The following NUF2 variants were observed in gnomAD, a reference collection of about 807,000 sequenced individuals.
NUF2 encodes NUF2 component of NDC80 kinetochore complex.
In NUF2, 34 loss-of-function variants were observed where a neutral mutation model predicts 61.8. The ratio of observed to expected loss-of-function variants is 0.55; its 90% CI spans 0.42 to 0.73. The LOEUF is 0.73. Ranked by LOEUF, NUF2 falls within the 30% of genes least tolerant of loss-of-function variation. The probability of loss-of-function intolerance (pLI) is 0.00; values close to 1 mark genes in which losing one functional copy is unlikely to be tolerated. For synonymous variants in NUF2, 172 were observed against 181.6 expected (o/e 0.95, Z 0.42); for missense variants, 445 against 539.1 (o/e 0.83, Z 1.73).
At chr1:163,352,000 A>G (rs575158809) in intron 13 of NUF2, among the ~76,000 whole-genome samples, 2 of 152,324 alleles carry the variant, frequency 1.3e-5, no homozygotes, top group East Asian at 3.9e-4. Context: ...TTTTAAAATT[A>G]CATTCAACAT....
At chr1:163,354,003 T>G (rs1336172978) in intron 13 of NUF2, among the ~76,000 whole-genome samples, 1 of 152,214 alleles carries the variant, frequency 6.6e-6, no homozygotes, top group Non-Finnish European at 1.5e-5. Context: ...AAGGAATATC[T>G]TCCTACCAAA....
At chr1:163,345,458 T>G (rs1651091896) in intron 10 of NUF2, among the ~76,000 whole-genome samples, 1 of 152,168 alleles carries the variant, frequency 6.6e-6, no homozygotes, top group Non-Finnish European at 1.5e-5. Flanking sequence ...TATGGCACTT[T>G]TCCTTTGTTT....
chr1:163,344,580 A>G (rs1651057479), intron 10 of NUF2, among the ~76,000 whole-genome samples: 1 of 138,162 alleles, frequency 7.2e-6, no homozygotes, highest in Non-Finnish European at 1.6e-5. Context: ...AGTGGGGAGT[A>G]AGGTGTGTTC....
Position 163,326,007 on chromosome 1 carries a change from T to C in NUF2, c.-20-25T>C, listed in dbSNP as rs185377135. 225 of 1,588,862 alleles carry C rather than the reference T, an allele frequency of 1.4e-4. 1 individual carries two copies. In the African/African-American group the frequency reaches 2.7e-3, roughly 19 times the overall value. Reference sequence around the variant, plus strand: ...ATGAGAACTACTGATCATGTGGTATTTCTCATTGTTTTTTCTTCCTTCAGA... The same window carrying C: ...ATGAGAACTACTGATCATGTGGTATCTCTCATTGTTTTTTCTTCCTTCAGA... On this transcript the variant is annotated intron_variant, in intron 1 of 13. Coordinates refer to ENST00000271452, the MANE Select transcript of NUF2 (RefSeq NM_145697.3).
chr1:163,353,029 G>C (rs574113481), intron 13 of NUF2, among the ~76,000 whole-genome samples: 4 of 152,232 alleles, frequency 2.6e-5, no homozygotes, highest in African/African-American at 9.6e-5. Flanking sequence ...CTGGATGTGT[G>C]CTGTCCAGTG....
intron 5 of NUF2, among the ~76,000 whole-genome samples, chr1:163,332,675 C>T (rs898620942): frequency 1.4e-4 from 21 of 152,244 alleles, no homozygotes; most frequent in African/African-American, 4.8e-4. Context: ...TCTGTTTCTA[C>T]TTTCATGATC....
chr1:163,341,698 G>A (rs530336519), intron 9 of NUF2, among the ~76,000 whole-genome samples: 1 of 152,094 alleles, frequency 6.6e-6, no homozygotes, highest in East Asian at 1.9e-4. Flanking sequence ...CATGATGTCA[G>A]CTCACTGCAA....
rs143441657 is a variant in NUF2, at chr1:163,351,433, C to G, written c.1260+2353C>G. On this transcript the variant is annotated intron_variant, in intron 13 of 13. Coordinates refer to ENST00000271452, the MANE Select transcript of NUF2 (RefSeq NM_145697.3). ...CTTTTTTAGGTTTTATTTATTTCAACCTAGATTTCAAAATGTCAAGGTTAG... is the reference window on the plus strand; with the variant it reads ...CTTTTTTAGGTTTTATTTATTTCAAGCTAGATTTCAAAATGTCAAGGTTAG... Among the ~76,000 whole-genome samples the G allele has an allele frequency of 1.5e-3, 234 of 152,294 alleles. 2 individuals are homozygous for G. Among genetic ancestry groups the G allele is most frequent in the African/African-American group, 5.3e-3 (221 of 41,566 alleles).
chr1:163,326,304 A>T, intron 2 of NUF2, 130 bp downstream of exon 2: 40 of 716,014 alleles, frequency 5.6e-5, no homozygotes, highest in Non-Finnish European at 8.3e-5. Flanking sequence ...ATTGAGAGAG[A>T]ATCTCTCACC....
chr1:163,338,672 A>AT (rs1296373528), intron 7 of NUF2, among the ~76,000 whole-genome samples: 6 of 152,224 alleles, frequency 3.9e-5, no homozygotes, highest in Non-Finnish European at 8.8e-5. Flanking sequence ...AATTGCCTTT[A>AT]CAGGCAGACA....
chr1:163,343,014 AT>A (rs1650997043), intron 9 of NUF2, among the ~76,000 whole-genome samples: 1 of 152,208 alleles, frequency 6.6e-6, no homozygotes, highest in South Asian at 2.1e-4. Context: ...TGAGAAGAAA[AT>A]TCATAGGAAT....
chr1:163,353,950 G>A (rs1197886045), intron 13 of NUF2, among the ~76,000 whole-genome samples: 2 of 152,074 alleles, frequency 1.3e-5, no homozygotes, highest in African/African-American at 4.8e-5. Flanking sequence ...CATACAGATT[G>A]TATATCTTAA....
At chr1:163,351,684 C>T (rs11803783) in intron 13 of NUF2, among the ~76,000 whole-genome samples, 25,943 of 152,074 alleles carry the variant, frequency 0.17, 2,304 homozygotes, top group Non-Finnish European at 0.19. Context: ...ATTCAGGCTA[C>T]GTTGTGATAT....
chr1:163,349,077 C>T lies in NUF2; in HGVS notation c.1257C>T (p.Ser419=). 6.2e-7 allele frequency: 1 copy of T among 1,602,674 alleles called. No homozygotes were observed. The highest frequency in any genetic ancestry group is 8.5e-7 in the Non-Finnish European group (1 of 1,177,268). Reference sequence around the variant, plus strand: ...CTGCTGAAAGGGAGAAACTGAAGTCCCAGGTGAATATGTGTTCATAAGAAG... The same window carrying T: ...CTGCTGAAAGGGAGAAACTGAAGTCTCAGGTGAATATGTGTTCATAAGAAG... ...KDAAEREKLK[S]QEIFLNLKTA... is the part of the protein sequence containing the mutation. The change falls in exon 13 of 14, where the codon TCC becomes TCT. Residue 419 remains serine (S), a synonymous_variant. Transcript: ENST00000271452.
At chr1:163,323,785 T>C (rs1295645332) in intron 1 of NUF2, among the ~76,000 whole-genome samples, 4 of 151,958 alleles carry the variant, frequency 2.6e-5, no homozygotes, top group Admixed American at 6.6e-5. Flanking sequence ...TGAAATTTAA[T>C]AGTAGAAAGT....
chr1:163,347,850 A>G lies in NUF2; in HGVS notation c.1036A>G (p.Ile346Val), dbSNP rs769870927. ...AGAAAATTCGTTCAAAAGACTGATGATTGTGAAGAAGGAAAAACTTGCCAC... is the reference window on the plus strand; with the variant it reads ...AGAAAATTCGTTCAAAAGACTGATGGTTGTGAAGAAGGAAAAACTTGCCAC... ...TEENSFKRLM[I>V]VKKEKLATAQ... Residue 346 changes from isoleucine to valine, a missense_variant, in exon 12 of 14, where the codon ATT (isoleucine) becomes GTT (valine). Coordinates refer to ENST00000271452, the MANE Select transcript of NUF2 (RefSeq NM_145697.3). The G allele has an allele frequency of 3.1e-6, 5 of 1,612,360 alleles. No individual in the cohort carries two copies. The Admixed American group carries it at 8.4e-5, about 27-fold the overall frequency.
At chr1:163,324,937 C>T (rs1650368595) in intron 1 of NUF2, among the ~76,000 whole-genome samples, 1 of 147,200 alleles carries the variant, frequency 6.8e-6, no homozygotes, top group African/African-American at 2.5e-5. Flanking sequence ...GTCTCTGTCA[C>T]CCAGGCTGGA....
chr1:163,337,513 A>G (rs1037706304), intron 6 of NUF2, among the ~76,000 whole-genome samples: 5 of 152,206 alleles, frequency 3.3e-5, no homozygotes, highest in South Asian at 2.1e-4. Flanking sequence ...TGCTAACCTT[A>G]TAACTCCTAA....
intron 5 of NUF2, among the ~76,000 whole-genome samples, chr1:163,331,419 GTT>G (rs1171355952): frequency 5.3e-5 from 8 of 151,594 alleles, no homozygotes; most frequent in African/African-American, 1.9e-4. Flanking sequence ...ATTTTATTAA[GTT>G]TTTTTGTCTG....
Sources: allele counts gnomAD v4.1 joint callset (sites outside exome capture counted in the v4.1 genomes callset), GRCh38; gene constraint gnomAD v4.1.1; transcripts MANE v1.5; gene names NCBI Gene and HGNC (gene_info 2026-07-23, HGNC 2026-07-21).